The following B3GLCT variants were observed in gnomAD, a reference collection of about 807,000 sequenced individuals.
B3GLCT encodes beta-1,3-glucosyltransferase.
A neutral mutation model predicts 63.4 loss-of-function variants in B3GLCT; 65 were observed. That is an observed-to-expected ratio of 1.03 (90% CI 0.84 to 1.26). The LOEUF (loss-of-function observed/expected upper bound fraction) is 1.26. Among genes scored for constraint, B3GLCT ranks in the 50% most tolerant of loss-of-function variants. B3GLCT has a pLI of 0.00. For synonymous variants in B3GLCT, 233 were observed against 219.2 expected (o/e 1.06, Z -0.55); for missense variants, 577 against 604.8 (o/e 0.95, Z 0.48).
At chr13:31,323,663 G>A in intron 13 of B3GLCT, 88 bp from the exon 14 acceptor site, 1 of 1,480,704 alleles carries the variant, frequency 6.8e-7, no homozygotes, top group South Asian at 1.1e-5. Context: ...GTCTGCAGGA[G>A]TAAAGTCCTG....
intron 12 of B3GLCT, among the ~76,000 whole-genome samples, chr13:31,297,374 G>GGT (rs1487261256): frequency 7.0e-6 from 1 of 142,674 alleles, no homozygotes; most frequent in Non-Finnish European, 1.5e-5. Context: ...TTATTTTCTG[G>GGT]GTTTTTTTTT....
At chr13:31,241,841 A>G (rs1593267511) in intron 4 of B3GLCT, among the ~76,000 whole-genome samples, 1 of 152,212 alleles carries the variant, frequency 6.6e-6, no homozygotes, top group Non-Finnish European at 1.5e-5. Flanking sequence ...ACTCTCAGCT[A>G]AGATGATGAG....
intron 12 of B3GLCT, among the ~76,000 whole-genome samples, chr13:31,316,537 T>C (rs1875042065): frequency 6.6e-6 from 1 of 150,756 alleles, no homozygotes. Context: ...AATGATTGCC[T>C]GGCCAGGTTT....
intron 12 of B3GLCT, among the ~76,000 whole-genome samples, chr13:31,289,446 A>C (rs1476884402): frequency 6.6e-6 from 1 of 152,142 alleles, no homozygotes. Flanking sequence ...GCATATTAGG[A>C]CTTCACATGG....
intron 7 of B3GLCT, among the ~76,000 whole-genome samples, chr13:31,262,424 C>T (rs2137833093): frequency 6.6e-6 from 1 of 152,340 alleles, no homozygotes; most frequent in Admixed American, 6.5e-5. Context: ...GCACAGTTTC[C>T]CTCCCTTCAT....
rs556650725 is a variant in B3GLCT, at chr13:31,229,701, A to T, written c.270+407A>T. Reference sequence around the variant, plus strand: ...GCAGAGGTTGCAGTGAGCCAAGATCACACTACTGCACTCCAGCCTGGGTGA... The same window carrying T: ...GCAGAGGTTGCAGTGAGCCAAGATCTCACTACTGCACTCCAGCCTGGGTGA... On this transcript the variant is annotated intron_variant, in intron 4 of 14. Transcript: ENST00000343307. Among the ~76,000 whole-genome samples, 45 of 151,800 alleles carry T rather than the reference A, an allele frequency of 3.0e-4. No homozygotes were observed. In the South Asian group the frequency reaches 8.5e-3, roughly 29 times the overall value.
intron 6 of B3GLCT, among the ~76,000 whole-genome samples, chr13:31,260,116 C>CT (rs1206857013): frequency 2.0e-5 from 3 of 152,214 alleles, no homozygotes; most frequent in Non-Finnish European, 4.4e-5. Flanking sequence ...CACCCAGTAG[C>CT]TCCAGCCACT....
intron 7 of B3GLCT, among the ~76,000 whole-genome samples, chr13:31,265,145 C>A (rs1244719873): frequency 6.6e-6 from 1 of 152,206 alleles, no homozygotes; most frequent in Non-Finnish European, 1.5e-5. Context: ...GTGTTCTAAT[C>A]TCCAGACTAT....
chr13:31,284,850 A>G, intron 11 of B3GLCT, 89 bp downstream of exon 11: 2 of 842,272 alleles, frequency 2.4e-6, no homozygotes, highest in East Asian at 2.6e-5. Context: ...GAAATGTTTT[A>G]TAAGTGCTAT....
At chr13:31,254,783 G>A (rs1871641237) in intron 6 of B3GLCT, among the ~76,000 whole-genome samples, 1 of 152,114 alleles carries the variant, frequency 6.6e-6, no homozygotes, top group Non-Finnish European at 1.5e-5. Context: ...CAGGTGCAGG[G>A]ACTCACACCT....
At chr13:31,286,069 A>G (rs1427824821) in intron 11 of B3GLCT, among the ~76,000 whole-genome samples, 1 of 152,194 alleles carries the variant, frequency 6.6e-6, no homozygotes, top group African/African-American at 2.4e-5. Context: ...AATGAGGGGC[A>G]TATTCCTGTT....
intron 1 of B3GLCT, among the ~76,000 whole-genome samples, chr13:31,213,715 A>G (rs760758783): frequency 2.0e-5 from 3 of 149,760 alleles, no homozygotes; most frequent in Admixed American, 6.7e-5. Context: ...AAACAAATAT[A>G]TATGTCAGTT....
At chr13:31,258,394 A>G (rs1443021103) in intron 6 of B3GLCT, among the ~76,000 whole-genome samples, 2 of 152,062 alleles carry the variant, frequency 1.3e-5, no homozygotes, top group African/African-American at 4.8e-5. Context: ...AGCTGGTTCT[A>G]CTTCCAAAAT....
At chr13:31,219,320 A>G (rs1018805285) in intron 2 of B3GLCT, among the ~76,000 whole-genome samples, 3 of 152,236 alleles carry the variant, frequency 2.0e-5, no homozygotes. Flanking sequence ...GCGATTCATC[A>G]CCTAAACACG....
chr13:31,238,353 T>C (rs2137789488), intron 4 of B3GLCT, among the ~76,000 whole-genome samples: 1 of 152,374 alleles, frequency 6.6e-6, no homozygotes, highest in African/African-American at 2.4e-5. Context: ...CTGTTTCCCT[T>C]GTTTTCTGCA....
chr13:31,297,664 A>C (rs73174625), intron 12 of B3GLCT, among the ~76,000 whole-genome samples: 5,073 of 152,108 alleles, frequency 0.033, 100 homozygotes, highest in Admixed American at 0.077. Flanking sequence ...CCACAGTTTG[A>C]GGGCTCAGTC....
At chr13:31,269,940 A>G (rs921336858) in intron 8 of B3GLCT, among the ~76,000 whole-genome samples, 1 of 152,124 alleles carries the variant, frequency 6.6e-6, no homozygotes, top group African/African-American at 2.4e-5. Context: ...CACTCAGTCT[A>G]TGGTATTTTA....
At chr13:31,312,667 A>G (rs1368913235) in intron 12 of B3GLCT, 1 of 152,238 alleles carries the variant, frequency 6.6e-6, no homozygotes, top group African/African-American at 2.4e-5. Context: ...AGTTGCTTCA[A>G]TAAGAAGTCG....
intron 1 of B3GLCT, among the ~76,000 whole-genome samples, chr13:31,201,170 T>G (rs969489436): frequency 2.6e-5 from 4 of 152,192 alleles, no homozygotes; most frequent in African/African-American, 9.7e-5. Flanking sequence ...TCAGATTTTT[T>G]AGTAATGGCA....
Sources: gnomAD v4.1 joint callset for allele counts (sites outside exome capture counted in the v4.1 genomes callset) on GRCh38, gnomAD v4.1.1 for gene constraint, MANE v1.5 for transcripts, NCBI Gene and HGNC (gene_info 2026-07-23, HGNC 2026-07-21) for gene names.